GRK3: variants seen among roughly 807,000 people sequenced by gnomAD.
GRK3 encodes G protein-coupled receptor kinase 3.
In GRK3, 54 loss-of-function variants were observed where a neutral mutation model predicts 95.7. The ratio of observed to expected loss-of-function variants is 0.56; its 90% confidence interval spans 0.45 to 0.71. The LOEUF is 0.71. Ranked by LOEUF, GRK3 falls within the 30% of genes least tolerant of loss-of-function variation. The probability of loss-of-function intolerance (pLI) is 0.00; values close to 1 mark genes in which losing one functional copy is unlikely to be tolerated. For missense variants in GRK3, 649 were observed against 851.2 expected (o/e 0.76, Z 2.96); for synonymous variants, 281 against 290.8 (o/e 0.97, Z 0.34).
At chr22:25,641,379 A>C (rs563675913) in intron 2 of GRK3, among the ~76,000 whole-genome samples, 1 of 151,124 alleles carries the variant, frequency 6.6e-6, no homozygotes, top group Non-Finnish European at 1.5e-5. Context: ...TCTTTCTTCT[A>C]CCTTTCTTCC....
At chr22:25,608,269 G>A (rs2084467657) in intron 2 of GRK3, among the ~76,000 whole-genome samples, 1 of 152,164 alleles carries the variant, frequency 6.6e-6, no homozygotes, top group Admixed American at 6.5e-5. Context: ...TTACAAAATG[G>A]TGAGTTTTCT....
intron 3 of GRK3, chr22:25,649,019 A>G: frequency 4.0e-6 from 5 of 1,239,040 alleles, no homozygotes; most frequent in Non-Finnish European, 6.0e-6. Context: ...GCAGAGTGCC[A>G]TATCCAGGTA....
Position 25,728,784 on chromosome 22 carries a change from A to G in GRK3, c.*6334A>G, listed in dbSNP as rs1412286277. 1 of 152,096 alleles carries G rather than the reference A, an allele frequency of 6.6e-6. No individual in the cohort carries two copies. Among genetic ancestry groups the G allele is most frequent in the African/African-American group, 2.4e-5 (1 of 41,414 alleles). 9.4% of individuals were successfully genotyped at this position (152,096 alleles called of 1,614,324 possible). ...GTAAGCGCCCTCATACATGACTGAAACTTTGTGAGAGGTCTTATATTTGAA... is the reference window on the plus strand; with the variant it reads ...GTAAGCGCCCTCATACATGACTGAAGCTTTGTGAGAGGTCTTATATTTGAA... On this transcript the variant is annotated 3_prime_UTR_variant, in exon 21 of 21. Coordinates refer to ENST00000324198, the MANE Select transcript of GRK3 (RefSeq NM_005160.4).
intron 9 of GRK3, among the ~76,000 whole-genome samples, chr22:25,679,570 A>T (rs1347741040): frequency 6.6e-6 from 1 of 152,130 alleles, no homozygotes; most frequent in African/African-American, 2.4e-5. Flanking sequence ...TTTTCTGTTA[A>T]TGGTATTACC....
intron 13 of GRK3, among the ~76,000 whole-genome samples, chr22:25,696,181 T>C (rs957498405): frequency 7.2e-5 from 11 of 151,996 alleles, no homozygotes; most frequent in African/African-American, 2.7e-4. Flanking sequence ...GGTCTTGCCA[T>C]GTTGCCCAGG....
intron 13 of GRK3, among the ~76,000 whole-genome samples, chr22:25,700,744 C>T (rs1380400294): frequency 6.6e-6 from 1 of 152,150 alleles, no homozygotes; most frequent in Non-Finnish European, 1.5e-5. Flanking sequence ...CCCGCCACCA[C>T]TCCCGGCTAA....
chr22:25,705,323 T>C (rs1368292974), intron 15 of GRK3, among the ~76,000 whole-genome samples: 1 of 152,184 alleles, frequency 6.6e-6, no homozygotes, highest in Non-Finnish European at 1.5e-5. Context: ...CTATAAACAG[T>C]ATCTGAGTTG....
At chr22:25,718,483 C>T in intron 19 of GRK3, 102 bp downstream of exon 19, 1 of 1,301,220 alleles carries the variant, frequency 7.7e-7, no homozygotes, top group Non-Finnish European at 1.1e-6. Flanking sequence ...CTCCGAAACT[C>T]TGTGATTCTA....
chr22:25,645,300 T>C (rs974215453), intron 3 of GRK3, among the ~76,000 whole-genome samples: 2 of 152,222 alleles, frequency 1.3e-5, no homozygotes. Context: ...CTAGAAGATG[T>C]GGTCTGGTGA....
intron 8 of GRK3, among the ~76,000 whole-genome samples, chr22:25,678,034 AT>A (rs757830258): frequency 1.3e-4 from 20 of 152,254 alleles, no homozygotes; most frequent in South Asian, 4.1e-4. Flanking sequence ...TAACTTAAAT[AT>A]CAAAATTAAA....
At chr22:25,635,570 C>CTTTTACTTTCTTGA (rs1451631042) in intron 2 of GRK3, among the ~76,000 whole-genome samples, 4 of 152,156 alleles carry the variant, frequency 2.6e-5, no homozygotes, top group Non-Finnish European at 5.9e-5. Flanking sequence ...TCTGGACTAT[C>CTTTTACTTTCTTGA]CCTCAGCTTT....
chr22:25,589,920 C>T (rs1932437650), intron 1 of GRK3, among the ~76,000 whole-genome samples: 1 of 152,074 alleles, frequency 6.6e-6, no homozygotes, highest in Non-Finnish European at 1.5e-5. Flanking sequence ...TTTATAAAAC[C>T]ATCAGATCTC....
In GRK3 at chr22:25,679,039, A is replaced by G. The variant is rs3730109; in HGVS notation, c.747+124A>G. 22,727 of 589,346 alleles carry G rather than the reference A, an allele frequency of 0.039. 3,774 individuals are homozygous for G. Among genetic ancestry groups the G allele is most frequent in the African/African-American group, 0.37 (19,470 of 52,134 alleles). 36.5% of individuals were successfully genotyped at this position (589,346 alleles called of 1,614,324 possible). A position where few individuals can be genotyped will look rare whatever the true frequency, so the allele number is the denominator to read the frequency against. On this transcript the variant is annotated intron_variant, in intron 9 of 20. Coordinates refer to ENST00000324198, the MANE Select transcript of GRK3 (RefSeq NM_005160.4). ...GAGTTCTTGGGTGGGTTAGAATCTG[A>G]TAGTATCTCTTTATTTGATTTTGCA...
At position 25,725,729 on chromosome 22, in the gene GRK3, G is replaced by A. The variant is rs1174875689; in HGVS notation, c.*3279G>A. 7 of 397,446 alleles carry A rather than the reference G, an allele frequency of 1.8e-5. No homozygotes were observed. Among genetic ancestry groups the A allele is most frequent in the Non-Finnish European group, 3.1e-5 (7 of 225,670 alleles). The allele number at this position is 397,446 out of a possible 1,614,324, so 24.6% of individuals were successfully genotyped here. A position where few individuals can be genotyped will look rare whatever the true frequency, so the allele number is the denominator to read the frequency against. ...TGGGAGGCCGAGAGGGGCGGTTCAC[G>A]AGGTCAGGAGATTGAGACCATCCTG... On this transcript the variant is annotated 3_prime_UTR_variant, in exon 21 of 21. Transcript: ENST00000324198.
At chr22:25,607,226 C>T (rs1452793808) in intron 2 of GRK3, among the ~76,000 whole-genome samples, 2 of 152,098 alleles carry the variant, frequency 1.3e-5, no homozygotes, top group Admixed American at 6.5e-5. Flanking sequence ...GTGCTATATG[C>T]ATCTCTAAAA....
At chr22:25,660,704 G>A (rs1261039803) in intron 3 of GRK3, among the ~76,000 whole-genome samples, 4 of 152,174 alleles carry the variant, frequency 2.6e-5, no homozygotes, top group Non-Finnish European at 4.4e-5. Context: ...GAAGTCATAT[G>A]TACTAATCAG....
chr22:25,721,280 T>G lies in GRK3; in HGVS notation c.1792-4T>G, dbSNP rs764281126. 8.7e-6 allele frequency: 13 copies of G among 1,500,270 alleles called. No homozygotes were observed. The South Asian group carries it at 1.4e-4, about 16-fold the overall frequency. The allele number at this position is 1,500,270 out of a possible 1,614,324, so 92.9% of individuals were successfully genotyped here. A position where few individuals can be genotyped will look rare whatever the true frequency, so the allele number is the denominator to read the frequency against. ...GAATTTTAAATTTCTGTTTTTATGG[T>G]TAGCAAAATTTACTGACAATGGAAC... On this transcript the variant is annotated splice_polypyrimidine_tract_variant and splice_region_variant and intron_variant, in intron 19 of 20. Transcript: ENST00000324198.
intron 8 of GRK3, 31 bp from the exon 9 acceptor site, chr22:25,678,785 C>A: frequency 1.5e-6 from 2 of 1,320,632 alleles, no homozygotes; most frequent in South Asian, 1.3e-5. Context: ...ATATTTACGG[C>A]ATAGATTTTT....
rs186097383 is a variant in GRK3 at position 25,721,740 on chromosome 22, T to C, written c.1905+343T>C. Among the ~76,000 whole-genome samples, 5 of 152,334 alleles carry C rather than the reference T, an allele frequency of 3.3e-5. No homozygotes were observed. The East Asian group carries it at 9.6e-4, about 29-fold the overall frequency. Reference sequence around the variant, plus strand: ...TTTAGATAAATATAAGACGGCAAACTGAAATGCCATCTTCTCTAAACGAAA... The same window carrying C: ...TTTAGATAAATATAAGACGGCAAACCGAAATGCCATCTTCTCTAAACGAAA... On this transcript the variant is annotated intron_variant, in intron 20 of 20. Coordinates refer to ENST00000324198, the MANE Select transcript of GRK3 (RefSeq NM_005160.4).
Sources: gnomAD v4.1 joint callset for allele counts (sites outside exome capture counted in the v4.1 genomes callset) on GRCh38, gnomAD v4.1.1 for gene constraint, MANE v1.5 for transcripts, NCBI Gene and HGNC (gene_info 2026-07-23, HGNC 2026-07-21) for gene names.